Variants in NCOA3 observed in about 807,000 individuals in gnomAD.
NCOA3 encodes CBP-interacting protein.
In NCOA3, 51 loss-of-function variants were observed where a neutral mutation model predicts 158.8. That is an observed-to-expected ratio of 0.32 (90% confidence interval 0.26 to 0.41). NCOA3 has a LOEUF of 0.41. Among genes scored for constraint, NCOA3 ranks in the 10% least tolerant of loss-of-function variants. The pLI is 1.00. For synonymous variants in NCOA3, 537 were observed against 592.4 expected, an observed-to-expected ratio of 0.91 and a Z score of 1.36; for missense variants, 1,510 against 1,746.6, an observed-to-expected ratio of 0.86 and a Z score of 2.41.
intron 1 of NCOA3, among the ~76,000 whole-genome samples, chr20:47,552,264 G>T (rs2084937317): frequency 1.3e-5 from 2 of 152,176 alleles, no homozygotes; most frequent in Admixed American, 6.6e-5. Context: ...TAACCTGCCA[G>T]ATTAGAAGGC....
At chr20:47,560,214 G>A (rs1428259043) in intron 1 of NCOA3, among the ~76,000 whole-genome samples, 1 of 152,092 alleles carries the variant, frequency 6.6e-6, no homozygotes, top group Non-Finnish European at 1.5e-5. Context: ...CGAGTAGCTG[G>A]GATTATAGGT....
At chr20:47,643,754 T>C (rs1230236065) in intron 17 of NCOA3, among the ~76,000 whole-genome samples, 1 of 152,074 alleles carries the variant, frequency 6.6e-6, no homozygotes, top group Non-Finnish European at 1.5e-5. Context: ...TCTGAAAATA[T>C]CTTTATTCCA....
At chr20:47,593,373 C>G (rs544337121) in intron 2 of NCOA3, among the ~76,000 whole-genome samples, 1 of 104,594 alleles carries the variant, frequency 9.6e-6, no homozygotes, top group African/African-American at 3.9e-5. Flanking sequence ...GAGACAGTCT[C>G]GCTCTGTTGC....
chr20:47,523,136 A>T (rs759240149), intron 1 of NCOA3, among the ~76,000 whole-genome samples: 238 of 152,336 alleles, frequency 1.6e-3, no homozygotes, highest in Non-Finnish European at 1.6e-3. Context: ...CAGTGAGCCG[A>T]GATCGCGCCA....
intron 1 of NCOA3, among the ~76,000 whole-genome samples, chr20:47,536,805 CTT>C (rs1227796813): frequency 2.9e-4 from 37 of 129,708 alleles, no homozygotes; most frequent in Admixed American, 5.5e-4. Context: ...CTGTTTTTTT[CTT>C]TTTTTTTTTT....
At chr20:47,562,810 T>C (rs2085128401) in intron 1 of NCOA3, among the ~76,000 whole-genome samples, 1 of 152,262 alleles carries the variant, frequency 6.6e-6, no homozygotes, top group Non-Finnish European at 1.5e-5. Flanking sequence ...TTCTTCTTTT[T>C]CTTCTCCTAT....
intron 1 of NCOA3, among the ~76,000 whole-genome samples, chr20:47,545,364 A>G (rs2084812071): frequency 6.6e-6 from 1 of 151,640 alleles, no homozygotes; most frequent in Admixed American, 6.6e-5. Context: ...TTTAGTAGAG[A>G]TAGGGTTTTG....
chr20:47,555,390 G>A (rs62201660), intron 1 of NCOA3, among the ~76,000 whole-genome samples: 3 of 152,184 alleles, frequency 2.0e-5, no homozygotes, highest in African/African-American at 4.8e-5. Context: ...TTCTTTTACT[G>A]TGTGAACTTG....
intron 17 of NCOA3, among the ~76,000 whole-genome samples, chr20:47,646,138 C>G (rs1019595615): frequency 4.6e-5 from 7 of 152,158 alleles, no homozygotes; most frequent in African/African-American, 1.7e-4. Flanking sequence ...TGCATATAGC[C>G]TATGCACATC....
chr20:47,550,683 A>G (rs1568675084), intron 1 of NCOA3, among the ~76,000 whole-genome samples: 1 of 152,154 alleles, frequency 6.6e-6, no homozygotes, highest in Non-Finnish European at 1.5e-5. Flanking sequence ...TGTAATTAAG[A>G]TTATACTGAA....
At chr20:47,604,227 C>G (rs918582133) in intron 2 of NCOA3, among the ~76,000 whole-genome samples, 2 of 152,158 alleles carry the variant, frequency 1.3e-5, no homozygotes, top group East Asian at 3.9e-4. Context: ...TTAATCCTCT[C>G]AACAACTTTG....
chr20:47,534,398 A>G (rs966691060), intron 1 of NCOA3, among the ~76,000 whole-genome samples: 4 of 152,140 alleles, frequency 2.6e-5, no homozygotes, highest in Non-Finnish European at 4.4e-5. Flanking sequence ...GATGCTATAT[A>G]TAACAAGTGT....
At chr20:47,507,050 T>C (rs1339741518) in intron 1 of NCOA3, among the ~76,000 whole-genome samples, 1 of 152,182 alleles carries the variant, frequency 6.6e-6, no homozygotes, top group African/African-American at 2.4e-5. Context: ...CTTTGGTGGC[T>C]ATGGCAGCTG....
intron 1 of NCOA3, among the ~76,000 whole-genome samples, chr20:47,519,365 G>A (rs2084288835): frequency 6.6e-6 from 1 of 151,300 alleles, no homozygotes. Flanking sequence ...CTGGGAGGCC[G>A]AGACTACAGT....
chr20:47,519,552 G>GA (rs1400220755), intron 1 of NCOA3, among the ~76,000 whole-genome samples: 2 of 152,090 alleles, frequency 1.3e-5, no homozygotes, highest in African/African-American at 2.4e-5. Context: ...AGAAGATGGA[G>GA]AAAAAACAGT....
At chr20:47,645,500 T>TTG (rs549838026) in intron 17 of NCOA3, among the ~76,000 whole-genome samples, 207 of 152,334 alleles carry the variant, frequency 1.4e-3, no homozygotes, top group African/African-American at 4.9e-3. Flanking sequence ...TCTATTCACT[T>TTG]TGTATCTTCT....
chr20:47,568,989 G>C (rs1033114963), intron 1 of NCOA3, among the ~76,000 whole-genome samples: 2 of 149,298 alleles, frequency 1.3e-5, no homozygotes, highest in African/African-American at 4.9e-5. Context: ...GTTTTGCTCT[G>C]TTGCCCAGGC....
chr20:47,526,021 G>A (rs1235447664), intron 1 of NCOA3, among the ~76,000 whole-genome samples: 37 of 149,036 alleles, frequency 2.5e-4, no homozygotes, highest in African/African-American at 8.9e-4. Context: ...GCTGCTGGGC[G>A]GAGGGGCTCC....
chr20:47,520,841 G>A (rs1278493668), intron 1 of NCOA3, among the ~76,000 whole-genome samples: 1 of 152,172 alleles, frequency 6.6e-6, no homozygotes, highest in Non-Finnish European at 1.5e-5. Context: ...CCCTCTTAGC[G>A]TTGGTGTGCT....
Sources: gnomAD v4.1 joint callset for allele counts (sites outside exome capture counted in the v4.1 genomes callset) on GRCh38, gnomAD v4.1.1 for gene constraint, MANE v1.5 for transcripts, NCBI Gene and HGNC (gene_info 2026-07-23, HGNC 2026-07-21) for gene names.